The following DOK5 variants were observed in gnomAD, a reference collection of about 807,000 sequenced individuals.
DOK5 encodes downstream of tyrosine kinase 5.
Under a neutral mutation model 43.3 loss-of-function variants are expected in DOK5, and 27 were observed. That is an observed-to-expected ratio of 0.62 (90% CI 0.46 to 0.86). The LOEUF (loss-of-function observed/expected upper bound fraction) is 0.86. Ranked by LOEUF, DOK5 falls within the 40% of genes least tolerant of loss-of-function variation. DOK5 has a pLI of 0.00. For synonymous variants in DOK5, 146 were observed against 140.1 expected, an observed-to-expected ratio of 1.04 and a Z score of -0.30; for missense variants, 373 against 392.9, an observed-to-expected ratio of 0.95 and a Z score of 0.43.
intron 1 of DOK5, among the ~76,000 whole-genome samples, chr20:54,485,531 G>A (rs1387932806): frequency 6.6e-6 from 1 of 152,074 alleles, no homozygotes; most frequent in African/African-American, 2.4e-5. Flanking sequence ...AATAGGTACC[G>A]TAGTTTGTTT....
At chr20:54,593,398 G>A (rs1210945657) in intron 5 of DOK5, among the ~76,000 whole-genome samples, 1 of 152,054 alleles carries the variant, frequency 6.6e-6, no homozygotes, top group African/African-American at 2.4e-5. Flanking sequence ...TTCTTTTCTG[G>A]TCTATTTTAT....
At chr20:54,481,326 T>C (rs957594805) in intron 1 of DOK5, among the ~76,000 whole-genome samples, 1 of 152,056 alleles carries the variant, frequency 6.6e-6, no homozygotes, top group Non-Finnish European at 1.5e-5. Context: ...TGCACCACCA[T>C]ACCCAGCTAA....
intron 1 of DOK5, among the ~76,000 whole-genome samples, chr20:54,546,405 T>C (rs1984347680): frequency 6.6e-6 from 1 of 152,190 alleles, no homozygotes; most frequent in Non-Finnish European, 1.5e-5. Flanking sequence ...ATATCTTTTT[T>C]TTTATTATTA....
intron 1 of DOK5, among the ~76,000 whole-genome samples, chr20:54,538,112 C>A (rs1419694158): frequency 6.6e-6 from 1 of 151,964 alleles, no homozygotes; most frequent in African/African-American, 2.4e-5. Context: ...GTTGGGATTA[C>A]AGGAGTGAGC....
Position 54,568,422 on chromosome 20 carries a change from G to A in DOK5, c.174+13382G>A, listed in dbSNP as rs537998799. 1.2e-4 allele frequency among the ~76,000 whole-genome samples: 19 copies of A among 152,276 alleles called. No homozygotes were observed. The South Asian group carries it at 3.5e-3, about 28-fold the overall frequency. On this transcript the variant is annotated intron_variant, in intron 2 of 7. Coordinates refer to ENST00000262593, the MANE Select transcript of DOK5 (RefSeq NM_018431.5). ...GTACATGATGCCAAAAGGAAAGGGT[G>A]GGTTTTCTCAAGTTGGTGAAAAGTT... is the stretch of plus-strand genomic sequence containing the variant.
At chr20:54,608,024 T>C (rs1380873502) in intron 5 of DOK5, among the ~76,000 whole-genome samples, 3 of 152,146 alleles carry the variant, frequency 2.0e-5, no homozygotes, top group South Asian at 2.1e-4. Context: ...ACAAATAAGA[T>C]AGAATAGAAA....
intron 1 of DOK5, among the ~76,000 whole-genome samples, chr20:54,540,416 G>GT (rs1201547883): frequency 6.6e-6 from 1 of 152,200 alleles, no homozygotes; most frequent in Non-Finnish European, 1.5e-5. Context: ...GAAACAAAAT[G>GT]TGTTGCCCTT....
chr20:54,620,802 C>T (rs1030646071), intron 6 of DOK5, among the ~76,000 whole-genome samples: 1 of 152,060 alleles, frequency 6.6e-6, no homozygotes, highest in African/African-American at 2.4e-5. Context: ...CTCTTTTTAA[C>T]AAGTATTTGC....
intron 1 of DOK5, among the ~76,000 whole-genome samples, chr20:54,538,338 A>G (rs922574541): frequency 1.3e-5 from 2 of 152,220 alleles, no homozygotes; most frequent in African/African-American, 4.8e-5. Context: ...CTAAGAGAAA[A>G]GAACTGTCAA....
chr20:54,492,242 T>C (rs957228298), intron 1 of DOK5, among the ~76,000 whole-genome samples: 2 of 152,150 alleles, frequency 1.3e-5, no homozygotes, highest in Non-Finnish European at 2.9e-5. Context: ...TTCTTGTATA[T>C]TAGTACAGAG....
At position 54,475,647 on chromosome 20, in the gene DOK5, G is replaced by A; in HGVS notation, c.-300G>A. ...GGCAGGGCTGGATCCCTCAGCCGCC[G>A]CCGCTCCTCCTCCTGGCAGGCCGGC... On this transcript the variant is annotated 5_prime_UTR_variant, in exon 1 of 8. Coordinates refer to ENST00000262593, the MANE Select transcript of DOK5 (RefSeq NM_018431.5). The surrounding 1 kb of genome is among the most constrained non-coding windows in gnomAD (Gnocchi z 4.2). 2.1e-6 allele frequency: 1 copy of A among 480,808 alleles called. No individual in the cohort carries two copies. Among genetic ancestry groups the A allele is most frequent in the Non-Finnish European group, 3.7e-6 (1 of 268,290 alleles). The allele number at this position is 480,808 out of a possible 1,614,324, so 29.8% of individuals were successfully genotyped here.
intron 1 of DOK5, among the ~76,000 whole-genome samples, chr20:54,529,935 T>C (rs1018655226): frequency 6.6e-6 from 1 of 152,270 alleles, no homozygotes; most frequent in Non-Finnish European, 1.5e-5. Context: ...GATATTCCAT[T>C]GTGTGGATAG....
At chr20:54,649,955 T>C (rs1439531155) in intron 7 of DOK5, among the ~76,000 whole-genome samples, 1 of 152,234 alleles carries the variant, frequency 6.6e-6, no homozygotes, top group Non-Finnish European at 1.5e-5. Context: ...TCTTGACTTT[T>C]TAAACTCTGT....
intron 1 of DOK5, among the ~76,000 whole-genome samples, chr20:54,540,867 C>T (rs1229575377): frequency 6.7e-6 from 1 of 150,040 alleles, no homozygotes; most frequent in African/African-American, 2.5e-5. Flanking sequence ...TCACACAGCC[C>T]TATAGGGAAG....
At chr20:54,546,342 A>AT (rs1984344350) in intron 1 of DOK5, among the ~76,000 whole-genome samples, 1 of 152,232 alleles carries the variant, frequency 6.6e-6, no homozygotes, top group Non-Finnish European at 1.5e-5. Flanking sequence ...GTAAGTGCCA[A>AT]TAGGAGTAGC....
Position 54,618,831 on chromosome 20 carries a change from A to G in DOK5, c.735+8308A>G, listed in dbSNP as rs116435520. ...CCAGGAGTTAGAGACCAACCTGGGA[A>G]ACATAGGGAGACCCCATCTCTAGAA... is the stretch of plus-strand genomic sequence containing the variant. On this transcript the variant is annotated intron_variant, in intron 6 of 7. Coordinates refer to ENST00000262593, the MANE Select transcript of DOK5 (RefSeq NM_018431.5). 8.1e-3 allele frequency among the ~76,000 whole-genome samples: 1,221 copies of G among 151,636 alleles called. 17 individuals carry two copies. The highest frequency in any genetic ancestry group is 0.028 in the African/African-American group (1,167 of 41,376).
chr20:54,650,636 T>C lies in DOK5; in HGVS notation c.*157T>C. 3.5e-6 allele frequency: 2 copies of C among 571,698 alleles called. No homozygotes were observed. The highest frequency in any genetic ancestry group is 5.5e-5 in the South Asian group (2 of 36,056). 35.4% of individuals were successfully genotyped at this position (571,698 alleles called of 1,614,324 possible). A position where few individuals can be genotyped will look rare whatever the true frequency, so the allele number is the denominator to read the frequency against. Reference sequence around the variant, plus strand: ...ATTGGAAAACTCTGCAATACAATAATTTTCTTTATTTTCTTTTTCTTTTTT... The same window carrying C: ...ATTGGAAAACTCTGCAATACAATAACTTTCTTTATTTTCTTTTTCTTTTTT... On this transcript the variant is annotated 3_prime_UTR_variant, in exon 8 of 8. Coordinates refer to ENST00000262593, the MANE Select transcript of DOK5 (RefSeq NM_018431.5).
intron 2 of DOK5, among the ~76,000 whole-genome samples, chr20:54,579,358 T>TTGTGTGTGTGTGTGTGTG (rs151204252): frequency 2.3e-4 from 35 of 150,844 alleles, no homozygotes; most frequent in African/African-American, 8.3e-4. Context: ...GTGTGTGTGC[T>TTGTGTGTGTGTGTGTGTG]TGTGTGTGTG....
intron 5 of DOK5, among the ~76,000 whole-genome samples, chr20:54,603,412 A>G (rs1986359190): frequency 6.6e-6 from 1 of 152,250 alleles, no homozygotes; most frequent in Non-Finnish European, 1.5e-5. Flanking sequence ...GACAACAAAG[A>G]TAGTCAACCA....
Sources: gnomAD v4.1 joint callset for allele counts (sites outside exome capture counted in the v4.1 genomes callset) on GRCh38, gnomAD v4.1.1 for gene constraint, Gnocchi (gnomAD v3.1) non-coding constraint, MANE v1.5 for transcripts, NCBI Gene and HGNC (gene_info 2026-07-23, HGNC 2026-07-21) for gene names.